FAM3B: variants seen among roughly 807,000 people sequenced by gnomAD.
FAM3B encodes the protein FAM3 metabolism regulating signaling molecule B, also known as protein FAM3B.
In FAM3B, 29 loss-of-function variants were observed where a neutral mutation model predicts 28.4. That is an observed-to-expected ratio of 1.02 (90% CI 0.76 to 1.39). The LOEUF (loss-of-function observed/expected upper bound fraction) is 1.39. Among genes scored for constraint, FAM3B ranks in the 40% most tolerant of loss-of-function variants. FAM3B has a pLI of 0.00. For missense variants in FAM3B, 266 were observed against 293.9 expected, an observed-to-expected ratio of 0.91 and a Z score of 0.69; for synonymous variants, 91 against 103.0, an observed-to-expected ratio of 0.88 and a Z score of 0.71.
Position 41,357,644 on chromosome 21 carries a change from T to C in FAM3B, c.*447T>C, listed in dbSNP as rs1318097529. Among the ~76,000 whole-genome samples, 1 of 152,178 alleles carries C rather than the reference T, an allele frequency of 6.6e-6. No individual in the cohort carries two copies. Among genetic ancestry groups the C allele is most frequent in the East Asian group, 1.9e-4 (1 of 5,190 alleles). The stretch of plus-strand genomic sequence containing the variant: ...TAGCAGCAGTTCAGGGGGCTTATGT[T>C]ATGTCCTTGTTCAACTCAACTTGAG... On this transcript the variant is annotated 3_prime_UTR_variant, in exon 8 of 8. Coordinates refer to ENST00000357985, the MANE Select transcript of FAM3B (RefSeq NM_058186.4).
At chr21:41,330,582 C>T (rs111438352) in intron 2 of FAM3B, among the ~76,000 whole-genome samples, 4,359 of 152,280 alleles carry the variant, frequency 0.029, 197 homozygotes, top group African/African-American at 0.099. Flanking sequence ...TCTTCCCAAA[C>T]CCCTGAACCT....
At chr21:41,330,981 A>G (rs1461482124) in intron 2 of FAM3B, among the ~76,000 whole-genome samples, 2 of 152,240 alleles carry the variant, frequency 1.3e-5, no homozygotes, top group African/African-American at 4.8e-5. Flanking sequence ...GCTTTATCAT[A>G]TATTCTACTT....
At chr21:41,346,721 A>G (rs1051193498) in intron 5 of FAM3B, among the ~76,000 whole-genome samples, 1 of 152,008 alleles carries the variant, frequency 6.6e-6, no homozygotes, top group Non-Finnish European at 1.5e-5. Flanking sequence ...TTTGTTGGTC[A>G]AAAAAGCTCC....
intron 5 of FAM3B, chr21:41,346,407 G>A (rs1037751780): frequency 6.5e-6 from 1 of 152,914 alleles, no homozygotes; most frequent in Non-Finnish European, 1.5e-5. Context: ...GAGCCGCAGC[G>A]GTGAGTAACA....
At chr21:41,316,927 G>C in intron 1 of FAM3B, 29 bp downstream of exon 1, 1 of 1,335,072 alleles carries the variant, frequency 7.5e-7, no homozygotes, top group South Asian at 2.0e-5. Context: ...CGGGGCGAGG[G>C]TAGGGGCGGG....
intron 1 of FAM3B, among the ~76,000 whole-genome samples, chr21:41,305,687 G>T (rs2088679434): frequency 1.3e-5 from 2 of 152,156 alleles, no homozygotes; most frequent in South Asian, 4.1e-4. Context: ...AAAATACAAT[G>T]TGCATACCTT....
intron 1 of FAM3B, among the ~76,000 whole-genome samples, chr21:41,307,242 C>T: frequency 6.6e-6 from 1 of 152,226 alleles, no homozygotes; most frequent in South Asian, 2.1e-4. Context: ...ACCTCATGAA[C>T]CAACCTCTCC....
At chr21:41,306,705 C>G (rs2088684728) in intron 1 of FAM3B, among the ~76,000 whole-genome samples, 1 of 152,096 alleles carries the variant, frequency 6.6e-6, no homozygotes, top group African/African-American at 2.4e-5. Flanking sequence ...GTCATCTAGG[C>G]TTTGTTTTTC....
At chr21:41,352,816 T>TAAAC (rs1426275584) in intron 7 of FAM3B, among the ~76,000 whole-genome samples, 1 of 108,900 alleles carries the variant, frequency 9.2e-6, no homozygotes, top group Admixed American at 9.2e-5. Context: ...AATAAATAAA[T>TAAAC]AAATAAATAA....
At chr21:41,342,360 T>G (rs2089014485) in intron 3 of FAM3B, among the ~76,000 whole-genome samples, 1 of 152,220 alleles carries the variant, frequency 6.6e-6, no homozygotes, top group African/African-American at 2.4e-5. Flanking sequence ...GTTTCTTAAA[T>G]TGGTAGGTAT....
intron 7 of FAM3B, among the ~76,000 whole-genome samples, chr21:41,349,693 TG>T (rs563299007): frequency 7.0e-4 from 106 of 152,308 alleles, no homozygotes; most frequent in African/African-American, 1.9e-3. Context: ...AGAAGGGGGC[TG>T]GATAAGGTGC....
At chr21:41,350,737 A>G (rs548776272) in intron 7 of FAM3B, among the ~76,000 whole-genome samples, 25 of 152,272 alleles carry the variant, frequency 1.6e-4, no homozygotes, top group African/African-American at 5.8e-4. Context: ...TCCAGGAGAA[A>G]ATGGAGGCCC....
At chr21:41,354,208 C>T (rs1420533562) in intron 7 of FAM3B, among the ~76,000 whole-genome samples, 1 of 146,216 alleles carries the variant, frequency 6.8e-6, no homozygotes, top group African/African-American at 2.8e-5. Context: ...ATTAGTTCAA[C>T]CTTTGTTGAA....
At chr21:41,306,016 T>C (rs1250812703) in intron 1 of FAM3B, among the ~76,000 whole-genome samples, 1 of 152,250 alleles carries the variant, frequency 6.6e-6, no homozygotes, top group East Asian at 1.9e-4. Flanking sequence ...GTTTATGTAG[T>C]ATTCTCAAAT....
Position 41,357,103 on chromosome 21 carries a change from C to A in FAM3B, c.619-5C>A. The A allele has an allele frequency of 6.2e-7, 1 of 1,607,800 alleles. No individual in the cohort carries two copies. The highest frequency in any genetic ancestry group is 8.5e-7 in the Non-Finnish European group (1 of 1,176,310). Reference sequence around the variant, plus strand: ...ATAAATAAAACTCTTCTTTTCTCTACACAGATCAACCACTCTGATGCTAAG... The same window carrying A: ...ATAAATAAAACTCTTCTTTTCTCTAAACAGATCAACCACTCTGATGCTAAG... On this transcript the variant is annotated splice_polypyrimidine_tract_variant and splice_region_variant and intron_variant, in intron 7 of 7. Coordinates refer to ENST00000357985, the MANE Select transcript of FAM3B (RefSeq NM_058186.4).
At chr21:41,352,146 T>C (rs890585217) in intron 7 of FAM3B, among the ~76,000 whole-genome samples, 1 of 152,166 alleles carries the variant, frequency 6.6e-6, no homozygotes, top group Admixed American at 6.5e-5. Flanking sequence ...CTCCCATGCT[T>C]TGTGTGCTCA....
chr21:41,343,526 T>C (rs1202693399), intron 3 of FAM3B, among the ~76,000 whole-genome samples: 4 of 152,202 alleles, frequency 2.6e-5, no homozygotes, highest in Non-Finnish European at 5.9e-5. Flanking sequence ...GCACTAAGCC[T>C]AGAAAACTCA....
intron 1 of FAM3B, chr21:41,322,537 T>C (rs941653111): frequency 1.4e-6 from 1 of 710,112 alleles, no homozygotes; most frequent in Admixed American, 2.0e-5. Context: ...AGGAGCGTGC[T>C]CAAATCCAGT....
chr21:41,340,863 T>G (rs1293558921), intron 3 of FAM3B, among the ~76,000 whole-genome samples: 1 of 152,124 alleles, frequency 6.6e-6, no homozygotes, highest in Non-Finnish European at 1.5e-5. Context: ...AATTTTTTAA[T>G]TAGTTTTTGA....
Sources: allele counts gnomAD v4.1 joint callset (sites outside exome capture counted in the v4.1 genomes callset), GRCh38; gene constraint gnomAD v4.1.1; transcripts MANE v1.5; gene names NCBI Gene and HGNC (gene_info 2026-07-23, HGNC 2026-07-21).